ARFGEF1: variants seen among roughly 807,000 people sequenced by gnomAD.
ARFGEF1 encodes brefeldin A-inhibited guanine nucleotide-exchange protein 1.
Under a neutral mutation model 231.0 loss-of-function variants are expected in ARFGEF1, and 42 were observed. That is an observed-to-expected ratio of 0.18 (90% confidence interval 0.14 to 0.24). The LOEUF (loss-of-function observed/expected upper bound fraction) is 0.24. ARFGEF1 is among the 10% of genes least tolerant of loss of function. ARFGEF1 has a pLI of 1.00. For synonymous variants in ARFGEF1, 710 were observed against 732.3 expected, an observed-to-expected ratio of 0.97 and a Z score of 0.49; for missense variants, 1,345 against 2,192.0, an observed-to-expected ratio of 0.61 and a Z score of 7.72.
chr8:67,257,827 A>G lies in ARFGEF1; in HGVS notation c.2442-11T>C, dbSNP rs766406375. 6.3e-7 allele frequency: 1 copy of G among 1,592,734 alleles called. No individual in the cohort carries two copies. Among genetic ancestry groups the G allele is most frequent in the Admixed American group, 1.8e-5 (1 of 55,188 alleles). ...GCAAAGAGAGTTTGTCTGGAAAAAT[A>G]AATGTATCATGTTATAAACTTCTAC... On this transcript the variant is annotated splice_polypyrimidine_tract_variant and intron_variant, in intron 16 of 38. Coordinates refer to ENST00000262215, the MANE Select transcript of ARFGEF1 (RefSeq NM_006421.5).
At chr8:67,194,148 T>TAAC (rs1172553207), downstream of ARFGEF1, among the ~76,000 whole-genome samples, 1 of 152,156 alleles carries the variant, frequency 6.6e-6, no homozygotes, top group Non-Finnish European at 1.5e-5. Context: ...CTTAGACACC[T>TAAC]AACAAGCTAC....
Position 67,228,093 on chromosome 8 carries a change from TC to T in ARFGEF1, c.3460del (p.Glu1154AsnfsTer16). On this transcript the variant is annotated frameshift_variant, in exon 25 of 39. Coordinates refer to ENST00000262215, the MANE Select transcript of ARFGEF1 (RefSeq NM_006421.5). LOFTEE classifies it high-confidence loss of function. ...VRWLCAVSMD[E>X]LLSTTHPRMF... is the part of the protein sequence containing the mutation. ...TCTTGGGTGTGTCGTGGAAAGTAATTCATCCATAGACACAGCACAGAGCCAA... is the reference window on the plus strand; with the variant it reads ...TCTTGGGTGTGTCGTGGAAAGTAATTATCCATAGACACAGCACAGAGCCAA... 1 of 1,609,764 alleles carries T rather than the reference TC, an allele frequency of 6.2e-7. No homozygotes were observed. Among genetic ancestry groups the T allele is most frequent in the Non-Finnish European group, 8.5e-7 (1 of 1,178,614 alleles).
At chr8:67,213,373 A>G (rs185106836) in intron 33 of ARFGEF1, among the ~76,000 whole-genome samples, 6 of 152,336 alleles carry the variant, frequency 3.9e-5, no homozygotes, top group Non-Finnish European at 5.9e-5. Context: ...GTTAGGGATA[A>G]GTGGGCATTG....
intron 33 of ARFGEF1, among the ~76,000 whole-genome samples, chr8:67,214,807 A>AT (rs1181543198): frequency 2.6e-5 from 4 of 152,246 alleles, no homozygotes; most frequent in African/African-American, 9.6e-5. Context: ...GACAGAAACA[A>AT]TAAGAGGAAG....
At position 67,305,935 on chromosome 8, in the gene ARFGEF1, T is replaced by A. The variant is rs974998685; in HGVS notation, c.125-3469A>T. Among the ~76,000 whole-genome samples the A allele has an allele frequency of 9.9e-5, 15 of 152,222 alleles. 1 individual carries two copies. The highest frequency in any genetic ancestry group is 3.6e-4 in the African/African-American group (15 of 41,452). ...AAGTACTTATCATATACTATGGCCG[T>A]AATTTTCAGTTTGAAGTTCGACAGC... On this transcript the variant is annotated intron_variant, in intron 1 of 38. Transcript: ENST00000262215.
chr8:67,222,239 G>GTA (rs1839216980), intron 29 of ARFGEF1, among the ~76,000 whole-genome samples: 7 of 130,308 alleles, frequency 5.4e-5, no homozygotes, highest in African/African-American at 2.1e-4. Flanking sequence ...ATGTATGTAT[G>GTA]TATGTATGTA....
intron 19 of ARFGEF1, among the ~76,000 whole-genome samples, chr8:67,250,650 A>G (rs1053163585): frequency 1.3e-5 from 2 of 152,192 alleles, no homozygotes; most frequent in African/African-American, 4.8e-5. Context: ...CCACCTTGCC[A>G]TATTGTCTCA....
chr8:67,304,295 C>T (rs1022206148), intron 1 of ARFGEF1, among the ~76,000 whole-genome samples: 4 of 152,182 alleles, frequency 2.6e-5, no homozygotes, highest in African/African-American at 9.7e-5. Context: ...TTACTCATTG[C>T]CTACTGTGTG....
chr8:67,310,968 G>GGGAGTCAGCTCCCC (rs574813309), intron 1 of ARFGEF1, among the ~76,000 whole-genome samples: 1 of 145,342 alleles, frequency 6.9e-6, no homozygotes, highest in Non-Finnish European at 1.5e-5. Context: ...AGGGAGGTGG[G>GGGAGTCAGCTCCCC]GCCCGGGAGG....
chr8:67,232,301 A>G (rs1349981585), intron 23 of ARFGEF1, among the ~76,000 whole-genome samples: 1 of 152,042 alleles, frequency 6.6e-6, no homozygotes, highest in Non-Finnish European at 1.5e-5. Flanking sequence ...ACATTGTTCT[A>G]TGTGCTGGAC....
chr8:67,184,052 C>T (rs990323206), intron 5 of ARFGEF1, among the ~76,000 whole-genome samples: 23 of 152,062 alleles, frequency 1.5e-4, no homozygotes, highest in South Asian at 1.0e-3. Context: ...GGGGTTTCAC[C>T]GTGTTGGCCA....
At chr8:67,334,092 C>T (rs1808228340) in intron 1 of ARFGEF1, among the ~76,000 whole-genome samples, 1 of 146,328 alleles carries the variant, frequency 6.8e-6, no homozygotes, top group Non-Finnish European at 1.5e-5. Flanking sequence ...GCTGAGATCG[C>T]ACCACTGCAC....
At chr8:67,311,168 T>A (rs1205162441) in intron 1 of ARFGEF1, among the ~76,000 whole-genome samples, 1 of 141,022 alleles carries the variant, frequency 7.1e-6, no homozygotes, top group Non-Finnish European at 1.5e-5. Flanking sequence ...GGGGCGCCTC[T>A]GCCCGGCCGC....
chr8:67,271,946 A>T lies in ARFGEF1; in HGVS notation c.1338-10T>A, dbSNP rs770958401. ...TCGTAGTTCATGAGACCTAAAATGTAAAAAAGAAGGCATAGTATATGAACA... is the reference window on the plus strand; with the variant it reads ...TCGTAGTTCATGAGACCTAAAATGTTAAAAAGAAGGCATAGTATATGAACA... On this transcript the variant is annotated splice_polypyrimidine_tract_variant and intron_variant, in intron 9 of 38. Transcript: ENST00000262215. 9.0e-6 allele frequency: 14 copies of T among 1,561,540 alleles called. No individual in the cohort carries two copies. Among genetic ancestry groups the T allele is most frequent in the Non-Finnish European group, 1.2e-5 (14 of 1,141,866 alleles).
intron 9 of ARFGEF1, among the ~76,000 whole-genome samples, chr8:67,273,336 C>A (rs980068370): frequency 7.2e-6 from 1 of 138,598 alleles, no homozygotes. Context: ...TTAAGCCCAA[C>A]AGACCAAGGA....
chr8:67,210,534 G>A (rs1001362844), intron 34 of ARFGEF1, among the ~76,000 whole-genome samples: 4 of 151,990 alleles, frequency 2.6e-5, no homozygotes, highest in Admixed American at 6.6e-5. Context: ...AGAAAGCAAC[G>A]GTCCTTCACT....
At chr8:67,239,444 T>G (rs1469039360) in intron 20 of ARFGEF1, among the ~76,000 whole-genome samples, 1 of 152,116 alleles carries the variant, frequency 6.6e-6, no homozygotes, top group Non-Finnish European at 1.5e-5. Flanking sequence ...TTTAAGATGA[T>G]GCATGAAGCA....
intron 22 of ARFGEF1, among the ~76,000 whole-genome samples, chr8:67,237,966 G>A (rs1328671140): frequency 6.6e-6 from 1 of 152,152 alleles, no homozygotes; most frequent in Non-Finnish European, 1.5e-5. Flanking sequence ...GTTTCATACT[G>A]GCAGAAAGGC....
rs139028205 is a variant in ARFGEF1 at position 67,279,325 on chromosome 8, T to C, written c.1028-1868A>G. Among the ~76,000 whole-genome samples the C allele has an allele frequency of 3.3e-5, 5 of 152,304 alleles. No individual in the cohort carries two copies. The East Asian group carries it at 9.6e-4, about 29-fold the overall frequency. On this transcript the variant is annotated intron_variant, in intron 7 of 38. Coordinates refer to ENST00000262215, the MANE Select transcript of ARFGEF1 (RefSeq NM_006421.5). ...ACTACTTAGCTAAAAATCAGGTAATTTAACACAGGCTCCCTGTCTCTTGCA... is the reference window on the plus strand; with the variant it reads ...ACTACTTAGCTAAAAATCAGGTAATCTAACACAGGCTCCCTGTCTCTTGCA...
Sources: allele counts gnomAD v4.1 joint callset (sites outside exome capture counted in the v4.1 genomes callset), GRCh38; gene constraint gnomAD v4.1.1; transcripts MANE v1.5; gene names NCBI Gene and HGNC (gene_info 2026-07-23, HGNC 2026-07-21).